The following PTPRT variants were observed in gnomAD, a reference collection of about 807,000 sequenced individuals.
PTPRT encodes receptor-type tyrosine-protein phosphatase T.
In PTPRT, 56 loss-of-function variants were observed where a neutral mutation model predicts 176.8. That is an observed-to-expected ratio of 0.32 (90% CI 0.26 to 0.40). The LOEUF is 0.40. Among genes scored for constraint, PTPRT ranks in the 10% least tolerant of loss-of-function variants. The probability of loss-of-function intolerance (pLI) is 1.00; values close to 1 mark genes in which losing one functional copy is unlikely to be tolerated. For synonymous variants in PTPRT, 783 were observed against 739.0 expected, an observed-to-expected ratio of 1.06 and a Z score of -0.96; for missense variants, 1,540 against 1,908.2, an observed-to-expected ratio of 0.81 and a Z score of 3.60.
chr20:42,085,628 C>G (rs1317569098), intron 28 of PTPRT, 100 bp downstream of exon 28: 18 of 1,520,254 alleles, frequency 1.2e-5, no homozygotes, highest in Non-Finnish European at 1.6e-5. Context: ...CAGGAGAGCA[C>G]AACACAGACT....
intron 7 of PTPRT, among the ~76,000 whole-genome samples, chr20:42,634,826 A>T (rs1041130201): frequency 1.3e-5 from 2 of 152,152 alleles, no homozygotes; most frequent in Admixed American, 1.3e-4. Flanking sequence ...TAAACATATT[A>T]TTTAAACAAA....
intron 9 of PTPRT, among the ~76,000 whole-genome samples, chr20:42,414,706 T>C (rs182188424): frequency 6.6e-6 from 1 of 152,276 alleles, no homozygotes; most frequent in East Asian, 1.9e-4. Flanking sequence ...AAACTAGAAA[T>C]CTGAAGTACC....
At chr20:42,212,037 T>C (rs969392685) in intron 15 of PTPRT, among the ~76,000 whole-genome samples, 1 of 147,976 alleles carries the variant, frequency 6.8e-6, no homozygotes, top group African/African-American at 2.5e-5. Context: ...CTCAGTAAAC[T>C]ATCACAAGAA....
chr20:42,143,453 AG>A (rs1279809882), intron 17 of PTPRT, among the ~76,000 whole-genome samples: 3 of 151,470 alleles, frequency 2.0e-5, no homozygotes, highest in Non-Finnish European at 4.4e-5. Context: ...GCTACTTGGG[AG>A]GCTGAGGCAG....
intron 18 of PTPRT, among the ~76,000 whole-genome samples, chr20:42,135,999 C>T (rs1600571497): frequency 6.6e-6 from 1 of 152,024 alleles, no homozygotes; most frequent in African/African-American, 2.4e-5. Context: ...CATGGCCACC[C>T]GAGAGAGAGG....
intron 11 of PTPRT, among the ~76,000 whole-genome samples, chr20:42,324,866 G>C (rs1214695113): frequency 6.6e-6 from 1 of 152,138 alleles, no homozygotes; most frequent in African/African-American, 2.4e-5. Context: ...GAGGAGACAA[G>C]AAAATGGGAG....
At chr20:42,269,057 C>G (rs1198151263) in intron 13 of PTPRT, among the ~76,000 whole-genome samples, 1 of 152,212 alleles carries the variant, frequency 6.6e-6, no homozygotes, top group Non-Finnish European at 1.5e-5. Flanking sequence ...GTGGGCCCAA[C>G]TCTTTAGTAC....
Position 42,390,677 on chromosome 20 carries a change from C to T in PTPRT, c.1561-38392G>A, listed in dbSNP as rs542215184. Among the ~76,000 whole-genome samples the T allele has an allele frequency of 5.9e-5, 9 of 152,238 alleles. No individual in the cohort carries two copies. In the South Asian group the frequency reaches 1.5e-3, roughly 25 times the overall value. The stretch of plus-strand genomic sequence containing the variant: ...GAGTACACCATATTGGAAGTGGATC[C>T]CCCAGTCCCAGTCCAACCTTCAGAT... On this transcript the variant is annotated intron_variant, in intron 9 of 30. Coordinates refer to ENST00000373187, the MANE Select transcript of PTPRT (RefSeq NM_007050.6).
chr20:42,614,650 C>T (rs187982586), intron 7 of PTPRT, among the ~76,000 whole-genome samples: 4 of 152,278 alleles, frequency 2.6e-5, no homozygotes, highest in African/African-American at 9.6e-5. Context: ...CAAACAGAGG[C>T]CATCCCAAAA....
At chr20:42,463,193 T>TCC (rs966904531) in intron 8 of PTPRT, among the ~76,000 whole-genome samples, 8 of 152,136 alleles carry the variant, frequency 5.3e-5, no homozygotes, top group African/African-American at 1.7e-4. Context: ...TCTCTCTCTC[T>TCC]CATTGTAAAA....
intron 1 of PTPRT, among the ~76,000 whole-genome samples, chr20:43,133,546 C>A (rs2013714002): frequency 1.3e-5 from 2 of 151,932 alleles, no homozygotes; most frequent in South Asian, 4.2e-4. Context: ...GAGATTGAGA[C>A]CATCCTGGCT....
chr20:42,715,116 T>C (rs1050370025), intron 6 of PTPRT, among the ~76,000 whole-genome samples: 1 of 152,134 alleles, frequency 6.6e-6, no homozygotes, highest in Non-Finnish European at 1.5e-5. Context: ...TAAGCCAAAA[T>C]AGATCCCTCC....
In PTPRT at chr20:42,577,931, G is replaced by T. The variant is rs572332675; in HGVS notation, c.1153+99935C>A. On this transcript the variant is annotated intron_variant, in intron 7 of 30. Transcript: ENST00000373187. ...TTCAGACCTGAGCGAGGCTGTGTGTGTGTGTGTGTGTGTGTGTGTGTGTGT... is the reference window on the plus strand; with the variant it reads ...TTCAGACCTGAGCGAGGCTGTGTGTTTGTGTGTGTGTGTGTGTGTGTGTGT... Among the ~76,000 whole-genome samples the T allele has an allele frequency of 2.2e-5, 3 of 138,652 alleles. No individual in the cohort carries two copies. In the Admixed American group the frequency reaches 2.3e-4, roughly 11 times the overall value. The allele number at this position is 138,652 out of a possible 152,430, so 91.0% of individuals were successfully genotyped here. A position where few individuals can be genotyped will look rare whatever the true frequency, so the allele number is the denominator to read the frequency against.
At chr20:42,112,370 G>A (rs1359952176) in intron 22 of PTPRT, among the ~76,000 whole-genome samples, 2 of 152,190 alleles carry the variant, frequency 1.3e-5, no homozygotes, top group Non-Finnish European at 2.9e-5. Flanking sequence ...CCCCTGGGGT[G>A]TGGCTGGGTG....
In PTPRT at chr20:42,621,484, G is replaced by A. The variant is rs547434669; in HGVS notation, c.1153+56382C>T. 2.8e-3 allele frequency among the ~76,000 whole-genome samples: 425 copies of A among 152,252 alleles called. 2 individuals are homozygous for A. The highest frequency in any genetic ancestry group is 0.02 in the Middle Eastern group (6 of 294). On this transcript the variant is annotated intron_variant, in intron 7 of 30. Coordinates refer to ENST00000373187, the MANE Select transcript of PTPRT (RefSeq NM_007050.6). ...CTATCAGACTCTTGCCATCACCTGT[G>A]GATTGTAAATTCTCCTGCCATGGAT... is the stretch of plus-strand genomic sequence containing the variant.
chr20:42,346,677 A>G (rs2058200192), intron 11 of PTPRT, among the ~76,000 whole-genome samples: 1 of 152,166 alleles, frequency 6.6e-6, no homozygotes, highest in South Asian at 2.1e-4. Context: ...TACCAGATAG[A>G]GTCAGATCCA....
chr20:42,852,615 T>G (rs2078494872), intron 2 of PTPRT, among the ~76,000 whole-genome samples: 1 of 152,202 alleles, frequency 6.6e-6, no homozygotes, highest in Non-Finnish European at 1.5e-5. Flanking sequence ...TATTTTTTCT[T>G]TTCCATCAGT....
intron 1 of PTPRT, among the ~76,000 whole-genome samples, chr20:42,892,233 C>T (rs763817607): frequency 1.8e-4 from 28 of 152,104 alleles, no homozygotes; most frequent in Non-Finnish European, 4.4e-5. Context: ...GAGGCTTTAC[C>T]TACAGTATCT....
chr20:42,096,833 C>T (rs571723533), intron 27 of PTPRT, among the ~76,000 whole-genome samples: 17 of 149,618 alleles, frequency 1.1e-4, no homozygotes, highest in Non-Finnish European at 1.8e-4. Context: ...CTCTTGGCCT[C>T]CCAAAGTGCT....
Sources: allele counts gnomAD v4.1 joint callset (sites outside exome capture counted in the v4.1 genomes callset), GRCh38; gene constraint gnomAD v4.1.1; transcripts MANE v1.5; gene names NCBI Gene and HGNC (gene_info 2026-07-23, HGNC 2026-07-21).